The following CORO2B variants were observed in gnomAD, a reference collection of about 807,000 sequenced individuals.
CORO2B encodes the protein coronin 2B, also known as coronin-2B.
Under a neutral mutation model 58.8 loss-of-function variants are expected in CORO2B, and 26 were observed. The observed-to-expected ratio is 0.44, with a 90% CI of 0.32 to 0.61. The LOEUF (loss-of-function observed/expected upper bound fraction) is 0.61. Ranked by LOEUF, CORO2B falls within the 20% of genes least tolerant of loss-of-function variation. CORO2B has a pLI of 0.04. For missense variants in CORO2B, 460 were observed against 645.1 expected (o/e 0.71, Z 3.11); for synonymous variants, 242 against 253.8 (o/e 0.95, Z 0.44).
At chr15:68,588,086 T>A (rs926832557) in intron 1 of CORO2B, among the ~76,000 whole-genome samples, 3 of 152,200 alleles carry the variant, frequency 2.0e-5, no homozygotes, top group Non-Finnish European at 4.4e-5. Context: ...GTAAATAAGG[T>A]GCTTTGTAGA....
At chr15:68,528,532 C>A in the CORO2B span, among the ~76,000 whole-genome samples, 2 of 151,954 alleles carry the variant, frequency 1.3e-5, no homozygotes, top group African/African-American at 4.8e-5. Context: ...ATTGTTAATT[C>A]TATTTGCTTA....
chr15:68,544,775 CTT>C, the CORO2B span, among the ~76,000 whole-genome samples: 26 of 140,754 alleles, frequency 1.8e-4, no homozygotes, highest in Middle Eastern at 3.5e-3. Flanking sequence ...CATACACATT[CTT>C]TTTTTTTTTT....
At chr15:68,724,405 A>G (rs1893242331) in intron 11 of CORO2B, among the ~76,000 whole-genome samples, 1 of 152,118 alleles carries the variant, frequency 6.6e-6, no homozygotes, top group African/African-American at 2.4e-5. Flanking sequence ...TCTGAAAGCA[A>G]AGTCCTAGTT....
the CORO2B span, among the ~76,000 whole-genome samples, chr15:68,544,255 T>A: frequency 6.6e-6 from 1 of 152,186 alleles, no homozygotes; most frequent in Non-Finnish European, 1.5e-5. Flanking sequence ...GATGATATCT[T>A]CCCCAGAGGG....
intron 2 of CORO2B, among the ~76,000 whole-genome samples, chr15:68,667,683 TCTC>T (rs1189810898): frequency 6.6e-6 from 1 of 152,192 alleles, no homozygotes; most frequent in East Asian, 1.9e-4. Context: ...ACCTCCCCCT[TCTC>T]AGCCTCAGTT....
chr15:68,651,262 A>G (rs1470257115), intron 2 of CORO2B, among the ~76,000 whole-genome samples: 1 of 152,128 alleles, frequency 6.6e-6, no homozygotes, highest in African/African-American at 2.4e-5. Context: ...CCGTCCCTCT[A>G]CCGCCCCCTG....
In CORO2B at chr15:68,666,251, G is replaced by T. The variant is rs114724101; in HGVS notation, c.216+20891G>T. On this transcript the variant is annotated intron_variant, in intron 2 of 11. Coordinates refer to ENST00000261861, the MANE Select transcript of CORO2B (RefSeq NM_006091.5). ...TAGCGGACATAAAACCTGGCACATG[G>T]CAAGTCAACAGATGATGCTCAGATA... 5.2e-3 allele frequency among the ~76,000 whole-genome samples: 787 copies of T among 152,282 alleles called. 5 individuals are homozygous for T. The highest frequency in any genetic ancestry group is 0.018 in the African/African-American group (757 of 41,558).
intron 11 of CORO2B, among the ~76,000 whole-genome samples, chr15:68,722,525 T>C (rs1209250125): frequency 6.6e-6 from 1 of 152,172 alleles, no homozygotes; most frequent in Non-Finnish European, 1.5e-5. Flanking sequence ...AATCGCTGAA[T>C]TGTAAGCTTA....
At chr15:68,575,024 C>T (rs1175880897), upstream of CORO2B, among the ~76,000 whole-genome samples, 1 of 152,212 alleles carries the variant, frequency 6.6e-6, no homozygotes, top group Non-Finnish European at 1.5e-5. Context: ...CCTCTGAGCT[C>T]ACCTGCAGCT....
At chr15:68,547,574 C>T in the CORO2B span, among the ~76,000 whole-genome samples, 1 of 151,990 alleles carries the variant, frequency 6.6e-6, no homozygotes, top group African/African-American at 2.4e-5. Flanking sequence ...AATCTCCTGA[C>T]CTCATGATCC....
chr15:68,610,910 A>T (rs1018578149), intron 1 of CORO2B, among the ~76,000 whole-genome samples: 1 of 152,236 alleles, frequency 6.6e-6, no homozygotes, highest in Non-Finnish European at 1.5e-5. Flanking sequence ...GATGGCAGGT[A>T]GCACCTTCCA....
chr15:68,644,416 A>G lies in CORO2B; in HGVS notation c.16-744A>G, dbSNP rs573622455. On this transcript the variant is annotated intron_variant, in intron 1 of 11. Transcript: ENST00000261861. ...TCAGAGACTTCCCCAACCCCAGATG[A>G]CTTTGATACAGGTGATCTGTGGGCC... Among the ~76,000 whole-genome samples, 125 of 152,290 alleles carry G rather than the reference A, an allele frequency of 8.2e-4. 1 individual carries two copies. The highest frequency in any genetic ancestry group is 1.8e-4 in the Non-Finnish European group (12 of 68,014).
chr15:68,580,176 TAAAG>T (rs995696727), intron 1 of CORO2B, among the ~76,000 whole-genome samples: 1 of 152,140 alleles, frequency 6.6e-6, no homozygotes, highest in Non-Finnish European at 1.5e-5. Context: ...GACAGGCTGT[TAAAG>T]AACCAATAAC....
intron 1 of CORO2B, among the ~76,000 whole-genome samples, chr15:68,638,793 C>A (rs1406923543): frequency 6.6e-6 from 1 of 152,172 alleles, no homozygotes; most frequent in East Asian, 1.9e-4. Flanking sequence ...GATTGTAGCA[C>A]CTGCCTAGTT....
chr15:68,639,647 C>T (rs1206447802), intron 1 of CORO2B, among the ~76,000 whole-genome samples: 1 of 152,202 alleles, frequency 6.6e-6, no homozygotes, highest in Non-Finnish European at 1.5e-5. Context: ...TGTTCCACAT[C>T]GTCCTTAATC....
chr15:68,530,379 G>A, the CORO2B span, among the ~76,000 whole-genome samples: 1 of 151,974 alleles, frequency 6.6e-6, no homozygotes, highest in East Asian at 1.9e-4. Flanking sequence ...CTTTTTTATG[G>A]CACAGAAAAT....
intron 11 of CORO2B, among the ~76,000 whole-genome samples, chr15:68,722,556 G>T (rs1359423035): frequency 1.3e-5 from 2 of 152,174 alleles, no homozygotes; most frequent in Admixed American, 1.3e-4. Flanking sequence ...CTTTTATGGT[G>T]TGTGAATTAC....
intron 1 of CORO2B, among the ~76,000 whole-genome samples, chr15:68,590,582 G>A (rs1427439102): frequency 3.3e-5 from 5 of 152,162 alleles, no homozygotes; most frequent in Non-Finnish European, 5.9e-5. Flanking sequence ...GGTGCTGCGG[G>A]GCCGCTGGTT....
intron 1 of CORO2B, chr15:68,641,661 C>T (rs1452577248): frequency 1.1e-6 from 1 of 905,382 alleles, no homozygotes; most frequent in Non-Finnish European, 1.3e-6. Flanking sequence ...GGGCATATGA[C>T]AGGCAGCTTG....
Sources: allele counts gnomAD v4.1 joint callset (sites outside exome capture counted in the v4.1 genomes callset), GRCh38; gene constraint gnomAD v4.1.1; transcripts MANE v1.5; gene names NCBI Gene and HGNC (gene_info 2026-07-23, HGNC 2026-07-21).